The following CHDH variants were observed in gnomAD, a reference collection of about 807,000 sequenced individuals.
CHDH encodes the protein choline dehydrogenase, mitochondrial.
In CHDH, 43 loss-of-function variants were observed where a neutral mutation model predicts 56.9. The ratio of observed to expected loss-of-function variants is 0.76; its 90% confidence interval spans 0.59 to 0.97. CHDH has a LOEUF of 0.97. Among genes scored for constraint, CHDH ranks in the 50% least tolerant of loss-of-function variants. The probability of loss-of-function intolerance (pLI) is 0.00; values close to 1 mark genes in which losing one functional copy is unlikely to be tolerated. For missense variants in CHDH, 816 were observed against 821.1 expected (o/e 0.99, Z 0.08); for synonymous variants, 364 against 348.5 (o/e 1.04, Z -0.50).
Position 53,815,112 on chromosome 3 carries a change from CT to C in CHDH, c.*2664del, listed in dbSNP as rs1386874044. On this transcript the variant is annotated 3_prime_UTR_variant, in exon 9 of 9. Coordinates refer to ENST00000315251, the MANE Select transcript of CHDH (RefSeq NM_018397.5). ...CTCTTGGCTCCCACACAGCCCACCC[CT>C]ATCCCCTATTCCATCAGGAGCTGCC... 2.6e-5 allele frequency: 4 copies of C among 152,438 alleles called. No homozygotes were observed. The highest frequency in any genetic ancestry group is 7.2e-5 in the African/African-American group (3 of 41,586). The allele number at this position is 152,438 out of a possible 1,614,324, so 9.4% of individuals were successfully genotyped here.
At chr3:53,841,871 G>A (rs1384334306) in intron 1 of CHDH, among the ~76,000 whole-genome samples, 2 of 152,172 alleles carry the variant, frequency 1.3e-5, no homozygotes, top group African/African-American at 2.4e-5. Flanking sequence ...CACAGGCTGG[G>A]CGCAGTGGCT....
In CHDH at chr3:53,822,646, C is replaced by T. The variant is rs1376013833; in HGVS notation, c.704-4G>A. On this transcript the variant is annotated splice_region_variant and splice_polypyrimidine_tract_variant and intron_variant, in intron 3 of 8. Coordinates refer to ENST00000315251, the MANE Select transcript of CHDH (RefSeq NM_018397.5). Reference sequence around the variant, plus strand: ...CAGGCCGCGCTCCACCGTTTGCCTGCAGGATGGAGTGAGGTGGTCAGGCAT... The same window carrying T: ...CAGGCCGCGCTCCACCGTTTGCCTGTAGGATGGAGTGAGGTGGTCAGGCAT... 6.2e-7 allele frequency: 1 copy of T among 1,606,532 alleles called. No homozygotes were observed. Among genetic ancestry groups the T allele is most frequent in the Non-Finnish European group, 8.5e-7 (1 of 1,178,722 alleles).
intron 8 of CHDH, 93 bp downstream of exon 8, chr3:53,818,845 A>G: frequency 2.4e-6 from 2 of 846,922 alleles, no homozygotes; most frequent in Non-Finnish European, 4.1e-6. Flanking sequence ...TGTCCTAGAA[A>G]GTGTAGTCCA....
Position 53,823,517 on chromosome 3 carries a change from C to T in CHDH, c.492G>A (p.Leu164=). 6.5e-7 allele frequency: 1 copy of T among 1,542,156 alleles called. No individual in the cohort carries two copies. The highest frequency in any genetic ancestry group is 8.7e-7 in the Non-Finnish European group (1 of 1,145,672). Residue 164 remains leucine (L), a synonymous_variant, in exon 3 of 9, where the codon CTG becomes CTA. Transcript: ENST00000315251. The part of the protein sequence containing the change: ...GARGWDYAHC[L]PYFRKAQGHE... ...GGCCCTGCGCCTTGCGGAAGTAGGG[C>T]AGGCAGTGCGCGTAGTCCCAGCCGC...
intron 2 of CHDH, among the ~76,000 whole-genome samples, chr3:53,840,128 T>A (rs1025570289): frequency 6.6e-6 from 1 of 152,158 alleles, no homozygotes; most frequent in Non-Finnish European, 1.5e-5. Context: ...TACAGTTAGA[T>A]AGAAGAAATG....
At chr3:53,824,149 C>A in intron 2 of CHDH, 82 bp from the exon 3 acceptor site, 1 of 750,426 alleles carries the variant, frequency 1.3e-6, no homozygotes, top group Non-Finnish European at 2.0e-6. Flanking sequence ...GGACAGGGTG[C>A]AGCAGGCCCA....
intron 2 of CHDH, among the ~76,000 whole-genome samples, chr3:53,825,010 G>A (rs1382491768): frequency 6.6e-6 from 1 of 152,194 alleles, no homozygotes; most frequent in Admixed American, 6.5e-5. Flanking sequence ...CGTTGCACAG[G>A]CATAGGAGAC....
Position 53,816,139 on chromosome 3 carries a change from C to CG in CHDH, c.*1637_*1638insC, listed in dbSNP as rs1461769426. The CG allele has an allele frequency of 2.5e-5, 3 of 118,682 alleles. No homozygotes were observed. The highest frequency in any genetic ancestry group is 3.5e-5 in the African/African-American group (1 of 28,392). 7.4% of individuals were successfully genotyped at this position (118,682 alleles called of 1,614,324 possible). On this transcript the variant is annotated 3_prime_UTR_variant, in exon 9 of 9. Transcript: ENST00000315251. ...TAACTTGTGGCTGTCGGACGCCCCCCCCCCCCGCCCCAGTCTGTAAGCCGC... is the reference window on the plus strand; with the variant it reads ...TAACTTGTGGCTGTCGGACGCCCCCCGCCCCCCGCCCCAGTCTGTAAGCCGC...
chr3:53,834,291 C>CA (rs1448426357), intron 2 of CHDH, among the ~76,000 whole-genome samples: 2 of 152,070 alleles, frequency 1.3e-5, no homozygotes, highest in East Asian at 3.9e-4. Flanking sequence ...ACTAAAAATA[C>CA]AAAAAAATTA....
intron 5 of CHDH, 30 bp downstream of exon 5, chr3:53,821,617 C>A: frequency 6.2e-7 from 1 of 1,604,512 alleles, no homozygotes; most frequent in Non-Finnish European, 8.5e-7. Context: ...CAGAGACAGC[C>A]TCTGGGGAGC....
rs1698590526 is a variant in CHDH, at chr3:53,838,978, C to T, written c.-60+1951G>A. On this transcript the variant is annotated intron_variant, in intron 2 of 8. Transcript: ENST00000315251. ...TGGGACCCTCCTCACAACATACTAGCAGTGTCCCTGCTACTAGTGCTGCCT... is the reference window on the plus strand; with the variant it reads ...TGGGACCCTCCTCACAACATACTAGTAGTGTCCCTGCTACTAGTGCTGCCT... Among the ~76,000 whole-genome samples, 4 of 152,162 alleles carry T rather than the reference C, an allele frequency of 2.6e-5. No homozygotes were observed. In the South Asian group the frequency reaches 8.3e-4, roughly 32 times the overall value.
chr3:53,817,919 A>G lies in CHDH; in HGVS notation c.1643T>C (p.Met548Thr). The G allele has an allele frequency of 6.2e-7, 1 of 1,614,240 alleles. No individual in the cohort carries two copies. Among genetic ancestry groups the G allele is most frequent in the Non-Finnish European group, 8.5e-7 (1 of 1,180,044 alleles). ...CAGGTTGCCGCTGACCATGCTAGGC[A>G]TGATGGAGGCATCGACGACCCTGAG... ...ENLRVVDASI[M>T]PSMVSGNLNA... Residue 548 changes from methionine to threonine, a missense_variant, in exon 9 of 9, where the codon ATG (methionine) becomes ACG (threonine). Transcript: ENST00000315251.
chr3:53,818,089 G>T lies in CHDH; in HGVS notation c.1473C>A (p.His491Gln), dbSNP rs1216303434. The change falls in exon 9 of 9, where the codon CAC becomes CAA. Residue 491 changes from histidine to glutamine, a missense_variant. Transcript: ENST00000315251. The stretch of plus-strand genomic sequence containing the variant: ...CATCTATCTCTTTATCTGACTGAAT[G>T]TGGCTTCCTGGCTGGAGCTCTTTCC... ...FRGKELQPGS[H>Q]IQSDKEIDAF... 6.2e-7 allele frequency: 1 copy of T among 1,614,094 alleles called. No homozygotes were observed. The highest frequency in any genetic ancestry group is 1.3e-5 in the African/African-American group (1 of 74,948).
Position 53,816,508 on chromosome 3 carries a change from C to T in CHDH, c.*1269G>A, listed in dbSNP as rs1341578232. 6.6e-6 allele frequency: 1 copy of T among 152,200 alleles called. No homozygotes were observed. The highest frequency in any genetic ancestry group is 2.4e-5 in the African/African-American group (1 of 41,436). 9.4% of individuals were successfully genotyped at this position (152,200 alleles called of 1,614,324 possible). On this transcript the variant is annotated 3_prime_UTR_variant, in exon 9 of 9. Transcript: ENST00000315251. ...CTTTCACACAGGGGCATTTCTACAG[C>T]CACAGGGTGCATGGCTGTGCTTAAC...
At chr3:53,836,672 C>T (rs1351279069) in intron 2 of CHDH, among the ~76,000 whole-genome samples, 9 of 152,220 alleles carry the variant, frequency 5.9e-5, no homozygotes, top group East Asian at 3.9e-4. Context: ...CTGAGGCTGG[C>T]GCTGCGTCAT....
In CHDH at chr3:53,821,702, G is replaced by A. The variant is rs997497675; in HGVS notation, c.930C>T (p.Ile310=). The change falls in exon 5 of 9, where the codon ATC becomes ATT. Residue 310 remains isoleucine, a synonymous_variant. Transcript: ENST00000315251. ...NSPQLLMLSG[I]GNADDLKKLG... Reference sequence around the variant, plus strand: ...GTTTCTTGAGGTCATCAGCATTCCCGATGCCAGAGAGCATGAGCAGCTGTG... The same window carrying A: ...GTTTCTTGAGGTCATCAGCATTCCCAATGCCAGAGAGCATGAGCAGCTGTG... 2.1e-5 allele frequency: 34 copies of A among 1,613,904 alleles called. No homozygotes were observed. Among genetic ancestry groups the A allele is most frequent in the Non-Finnish European group, 2.7e-5 (32 of 1,179,956 alleles).
chr3:53,833,940 G>C (rs1445013610), intron 2 of CHDH, among the ~76,000 whole-genome samples: 4 of 152,138 alleles, frequency 2.6e-5, no homozygotes, highest in Admixed American at 1.3e-4. Flanking sequence ...TGGACACCTG[G>C]TCCCTGTAGC....
intron 1 of CHDH, among the ~76,000 whole-genome samples, chr3:53,842,464 G>A (rs1329304392): frequency 6.6e-6 from 1 of 152,314 alleles, no homozygotes; most frequent in South Asian, 2.1e-4. Context: ...GGAGCTTTGA[G>A]AGAACGACAA....
rs547544165 is a variant in CHDH, at chr3:53,821,786, G to A, written c.856-10C>T. On this transcript the variant is annotated splice_polypyrimidine_tract_variant and intron_variant, in intron 4 of 8. Transcript: ENST00000315251. ...CCTTGCTGGCATAAGCCTGGAAGAG[G>A]TCCAGCCAGGTCACTCCCTGAAAAG... 1 of 1,612,944 alleles carries A rather than the reference G, an allele frequency of 6.2e-7. No homozygotes were observed. The highest frequency in any genetic ancestry group is 8.5e-7 in the Non-Finnish European group (1 of 1,179,390).
Sources: gnomAD v4.1 joint callset for allele counts (sites outside exome capture counted in the v4.1 genomes callset) on GRCh38, gnomAD v4.1.1 for gene constraint, MANE v1.5 for transcripts, NCBI Gene and HGNC (gene_info 2026-07-23, HGNC 2026-07-21) for gene names.